The following SCAPER variants were observed in gnomAD, a reference collection of about 807,000 sequenced individuals.
SCAPER encodes the protein S phase cyclin A-associated protein in the endoplasmic reticulum.
In SCAPER, 98 loss-of-function variants were observed where a neutral mutation model predicts 182.2. The observed-to-expected ratio is 0.54, with a 90% CI of 0.46 to 0.64. The LOEUF (loss-of-function observed/expected upper bound fraction) is 0.64. Among genes scored for constraint, SCAPER ranks in the 30% least tolerant of loss-of-function variants. The pLI is 0.00. For missense variants in SCAPER, 1,432 were observed against 1,690.0 expected (o/e 0.85, Z 2.68); for synonymous variants, 605 against 564.6 (o/e 1.07, Z -1.01).
At chr15:76,886,234 C>T (rs1171915509) in intron 1 of SCAPER, among the ~76,000 whole-genome samples, 1 of 152,186 alleles carries the variant, frequency 6.6e-6, no homozygotes, top group Non-Finnish European at 1.5e-5. Context: ...AATCCCACCA[C>T]ACTGGGAGGC....
chr15:76,804,528 A>T lies in SCAPER; in HGVS notation c.494+5T>A, dbSNP rs2066006192. The stretch of plus-strand genomic sequence containing the variant: ...TAGGAAGATTGAGACCAGAGAGCTC[A>T]TTACCTGCTTTGAGCATCTGTCTTC... On this transcript the variant is annotated splice_donor_5th_base_variant and intron_variant, in intron 6 of 31. Transcript: ENST00000563290. 1 of 1,594,832 alleles carries T rather than the reference A, an allele frequency of 6.3e-7. No homozygotes were observed. The highest frequency in any genetic ancestry group is 8.6e-7 in the Non-Finnish European group (1 of 1,167,262).
In SCAPER at chr15:76,862,570, G is replaced by C. The variant is rs56107578; in HGVS notation, c.7-37C>G. The C allele has an allele frequency of 1.1e-3, 1,405 of 1,257,752 alleles. 2 individuals are homozygous for C. Among genetic ancestry groups the C allele is most frequent in the Non-Finnish European group, 1.5e-3 (1,339 of 885,256 alleles). 77.9% of individuals were successfully genotyped at this position (1,257,752 alleles called of 1,614,324 possible). ...AAAGATGGTACTTATTAGATTATTA[G>C]ATAAGTCAAAATATATATTTAACAA... is the stretch of plus-strand genomic sequence containing the variant. On this transcript the variant is annotated intron_variant, in intron 2 of 31. Coordinates refer to ENST00000563290, the MANE Select transcript of SCAPER (RefSeq NM_020843.4).
At chr15:76,797,900 TTTTATCATTTAAAA>T (rs2065444709) in intron 7 of SCAPER, among the ~76,000 whole-genome samples, 1 of 146,624 alleles carries the variant, frequency 6.8e-6, no homozygotes, top group Admixed American at 7.1e-5. Context: ...AGATGTCACA[TTTTATCATTTAAAA>T]TGCCTACTTT....
rs11856029 is a variant in SCAPER at position 76,387,835 on chromosome 15, G to A, written c.3468-6220C>T. ...TAGATCATAAAAACTAATTCCACAC[G>A]CTTAAGATGGGAAGAGGGTAAGTAA... On this transcript the variant is annotated intron_variant, in intron 27 of 31. Transcript: ENST00000563290. 8.4e-3 allele frequency among the ~76,000 whole-genome samples: 1,272 copies of A among 152,252 alleles called. 12 individuals are homozygous for A. Among genetic ancestry groups the A allele is most frequent in the African/African-American group, 0.029 (1,206 of 41,536 alleles).
At chr15:76,502,029 G>A (rs1024999750) in intron 24 of SCAPER, among the ~76,000 whole-genome samples, 1 of 152,170 alleles carries the variant, frequency 6.6e-6, no homozygotes, top group African/African-American at 2.4e-5. Context: ...AATTGAAGCT[G>A]GTTTAGAAAG....
intron 22 of SCAPER, among the ~76,000 whole-genome samples, chr15:76,576,007 A>C (rs1364937768): frequency 6.6e-6 from 1 of 152,164 alleles, no homozygotes; most frequent in Non-Finnish European, 1.5e-5. Flanking sequence ...ACATAAGTAC[A>C]CTCATTAGAT....
chr15:76,356,204 G>A (rs1236356613), intron 29 of SCAPER, among the ~76,000 whole-genome samples: 1 of 152,220 alleles, frequency 6.6e-6, no homozygotes, highest in Non-Finnish European at 1.5e-5. Flanking sequence ...GGCTAATTCA[G>A]GTGGGCTTGT....
At chr15:76,461,563 T>A (rs2049179759) in intron 25 of SCAPER, among the ~76,000 whole-genome samples, 1 of 152,132 alleles carries the variant, frequency 6.6e-6, no homozygotes, top group Admixed American at 6.5e-5. Flanking sequence ...TTGTATTTTC[T>A]AGTTTTTAAA....
At chr15:76,458,907 T>C (rs2048943108) in intron 25 of SCAPER, among the ~76,000 whole-genome samples, 1 of 152,136 alleles carries the variant, frequency 6.6e-6, no homozygotes, top group Non-Finnish European at 1.5e-5. Context: ...TATTTATTTA[T>C]TCATTGAGAC....
intron 1 of SCAPER, among the ~76,000 whole-genome samples, chr15:76,902,588 A>G (rs991269827): frequency 6.6e-6 from 1 of 152,244 alleles, no homozygotes; most frequent in Non-Finnish European, 1.5e-5. Context: ...TTTCTCTTCT[A>G]CAATTTCAGA....
At chr15:76,580,135 G>A (rs1486470588) in intron 22 of SCAPER, among the ~76,000 whole-genome samples, 1 of 151,776 alleles carries the variant, frequency 6.6e-6, no homozygotes, top group Non-Finnish European at 1.5e-5. Context: ...TATCAACAAA[G>A]AAACACTGGA....
At chr15:76,866,559 T>TA (rs1294081895) in intron 2 of SCAPER, among the ~76,000 whole-genome samples, 1 of 152,162 alleles carries the variant, frequency 6.6e-6, no homozygotes, top group Non-Finnish European at 1.5e-5. Flanking sequence ...CAATACTTGA[T>TA]AAGCAAAAAC....
At chr15:76,881,837 T>C (rs763888871) in intron 2 of SCAPER, among the ~76,000 whole-genome samples, 17 of 152,200 alleles carry the variant, frequency 1.1e-4, no homozygotes, top group Non-Finnish European at 2.5e-4. Context: ...TTAATACCAC[T>C]GAACTGTATA....
chr15:76,812,316 GA>G (rs914893273), intron 5 of SCAPER, among the ~76,000 whole-genome samples: 9 of 144,964 alleles, frequency 6.2e-5, no homozygotes, highest in East Asian at 2.0e-4. Flanking sequence ...TCCGTCTCAA[GA>G]AAAAAAAAAC....
intron 23 of SCAPER, among the ~76,000 whole-genome samples, chr15:76,568,701 C>T (rs1416978101): frequency 6.6e-6 from 1 of 152,002 alleles, no homozygotes; most frequent in Admixed American, 6.6e-5. Flanking sequence ...TTAGAATCTG[C>T]GCCTACATAT....
intron 1 of SCAPER, among the ~76,000 whole-genome samples, chr15:76,895,785 A>C (rs2074398267): frequency 6.6e-6 from 1 of 152,196 alleles, no homozygotes; most frequent in Non-Finnish European, 1.5e-5. Flanking sequence ...TCACGCCTAT[A>C]ATCTCAGCAC....
chr15:76,791,217 T>C (rs1017737010), intron 8 of SCAPER, among the ~76,000 whole-genome samples: 7 of 152,230 alleles, frequency 4.6e-5, no homozygotes, highest in African/African-American at 1.7e-4. Flanking sequence ...TGTTTCAATT[T>C]TGGTAAATGT....
intron 15 of SCAPER, among the ~76,000 whole-genome samples, chr15:76,748,624 CA>C (rs1193334175): frequency 6.6e-6 from 1 of 150,682 alleles, no homozygotes; most frequent in Non-Finnish European, 1.5e-5. Context: ...GTATCCAGAA[CA>C]TACAAGGAAC....
chr15:76,723,794 C>T (rs2060411940), intron 17 of SCAPER, among the ~76,000 whole-genome samples: 1 of 152,178 alleles, frequency 6.6e-6, no homozygotes, highest in Non-Finnish European at 1.5e-5. Flanking sequence ...TTCCTTCATC[C>T]CTTTTTTGTG....
Sources: allele counts gnomAD v4.1 joint callset (sites outside exome capture counted in the v4.1 genomes callset), GRCh38; gene constraint gnomAD v4.1.1; transcripts MANE v1.5; gene names NCBI Gene and HGNC (gene_info 2026-07-23, HGNC 2026-07-21).